The following FSTL5 variants were observed in gnomAD, a reference collection of about 807,000 sequenced individuals.
FSTL5 encodes the protein follistatin like 5.
In FSTL5, 62 loss-of-function variants were observed where a neutral mutation model predicts 89.1. The ratio of observed to expected loss-of-function variants is 0.70; its 90% confidence interval spans 0.57 to 0.86. The LOEUF (loss-of-function observed/expected upper bound fraction) is 0.86, where lower values mean the gene tolerates loss of function less well. FSTL5 is among the 40% of genes least tolerant of loss of function. FSTL5 has a pLI of 0.00. For synonymous variants in FSTL5, 383 were observed against 346.2 expected (o/e 1.11, Z -1.18); for missense variants, 1,057 against 1,001.6 (o/e 1.06, Z -0.75).
chr4:162,141,221 A>G (rs1030362460), intron 1 of FSTL5, among the ~76,000 whole-genome samples: 3 of 91,772 alleles, frequency 3.3e-5, no homozygotes, highest in Non-Finnish European at 6.7e-5. Flanking sequence ...GGTTCACGCC[A>G]TTCTCCTGCC....
chr4:161,786,064 A>G (rs937652155), intron 4 of FSTL5, among the ~76,000 whole-genome samples: 20 of 152,220 alleles, frequency 1.3e-4, no homozygotes, highest in Admixed American at 5.9e-4. Flanking sequence ...GAGATAATAC[A>G]TTTATGAATG....
chr4:161,914,722 A>G (rs981602474), intron 4 of FSTL5, among the ~76,000 whole-genome samples: 18 of 152,196 alleles, frequency 1.2e-4, no homozygotes, highest in Non-Finnish European at 2.9e-5. Flanking sequence ...TTGACCAGAT[A>G]CAATACTATA....
At chr4:161,549,323 T>G (rs1229416291) in intron 8 of FSTL5, among the ~76,000 whole-genome samples, 1 of 151,586 alleles carries the variant, frequency 6.6e-6, no homozygotes, top group Non-Finnish European at 1.5e-5. Flanking sequence ...AAATAAAGAG[T>G]TGTATATTGC....
At chr4:161,436,411 G>A (rs374344484) in intron 15 of FSTL5, among the ~76,000 whole-genome samples, 7 of 152,106 alleles carry the variant, frequency 4.6e-5, no homozygotes, top group East Asian at 3.9e-4. Context: ...ATTTATTGGT[G>A]AATTAATGTT....
intron 12 of FSTL5, among the ~76,000 whole-genome samples, chr4:161,487,911 T>C (rs1729735051): frequency 6.6e-6 from 1 of 152,136 alleles, no homozygotes; most frequent in African/African-American, 2.4e-5. Flanking sequence ...AATTAGAATA[T>C]TCAGGTTTAG....
chr4:161,486,588 A>G (rs1455482995), intron 12 of FSTL5, among the ~76,000 whole-genome samples: 1 of 152,188 alleles, frequency 6.6e-6, no homozygotes. Flanking sequence ...GGTTCCTAAG[A>G]CAGGCAGAGA....
At chr4:162,069,074 G>A (rs1383370468) in intron 2 of FSTL5, among the ~76,000 whole-genome samples, 1 of 152,016 alleles carries the variant, frequency 6.6e-6, no homozygotes, top group Non-Finnish European at 1.5e-5. Flanking sequence ...GGAAAAATAG[G>A]AGTGCTTTTA....
intron 6 of FSTL5, among the ~76,000 whole-genome samples, chr4:161,668,789 T>A (rs1560779998): frequency 1.3e-5 from 2 of 152,078 alleles, no homozygotes; most frequent in Admixed American, 6.6e-5. Context: ...ATATAAAAAA[T>A]TTTAAAACTT....
chr4:161,782,382 C>T (rs1202826954), intron 4 of FSTL5, among the ~76,000 whole-genome samples: 1 of 152,188 alleles, frequency 6.6e-6, no homozygotes, highest in Non-Finnish European at 1.5e-5. Flanking sequence ...ACTTGTATTG[C>T]TCCATATCCT....
At chr4:162,046,478 A>G (rs1004423684) in intron 2 of FSTL5, among the ~76,000 whole-genome samples, 2 of 152,160 alleles carry the variant, frequency 1.3e-5, no homozygotes, top group Non-Finnish European at 2.9e-5. Flanking sequence ...GAAACTGTGG[A>G]CAGTTAAGCA....
intron 5 of FSTL5, among the ~76,000 whole-genome samples, chr4:161,770,561 G>T (rs1182247003): frequency 6.6e-6 from 1 of 151,878 alleles, no homozygotes; most frequent in African/African-American, 2.4e-5. Context: ...AGGACTTACA[G>T]ATGTTTAAGT....
intron 3 of FSTL5, among the ~76,000 whole-genome samples, chr4:161,997,958 G>T (rs1259206594): frequency 1.3e-5 from 2 of 152,120 alleles, no homozygotes; most frequent in East Asian, 3.9e-4. Flanking sequence ...TGTGAGGATG[G>T]ATTATAATGT....
chr4:161,467,315 A>C (rs2126426131), intron 13 of FSTL5, among the ~76,000 whole-genome samples: 1 of 152,290 alleles, frequency 6.6e-6, no homozygotes, highest in South Asian at 2.1e-4. Flanking sequence ...ATAGGTAAAT[A>C]AAAGCACATC....
At chr4:161,857,774 T>C (rs891353665) in intron 4 of FSTL5, among the ~76,000 whole-genome samples, 1 of 152,166 alleles carries the variant, frequency 6.6e-6, no homozygotes, top group Admixed American at 6.5e-5. Context: ...TTTTATTGAG[T>C]AGCTAATTCT....
chr4:161,718,943 T>G (rs994835129), intron 6 of FSTL5, among the ~76,000 whole-genome samples: 18 of 152,206 alleles, frequency 1.2e-4, no homozygotes, highest in Non-Finnish European at 5.9e-5. Context: ...AAATTCACAG[T>G]TCTTGCTTTA....
In FSTL5 at chr4:161,708,515, T is replaced by C. The variant is rs1738665432; in HGVS notation, c.727+50896A>G. Among the ~76,000 whole-genome samples, 3 of 152,202 alleles carry C rather than the reference T, an allele frequency of 2.0e-5. No homozygotes were observed. In the South Asian group the frequency reaches 6.2e-4, roughly 31 times the overall value. Reference sequence around the variant, plus strand: ...GAGTCAGGGGAAAACAGTTCTATTTTTGGATGTTCCCCTTAAAGCATATTT... The same window carrying C: ...GAGTCAGGGGAAAACAGTTCTATTTCTGGATGTTCCCCTTAAAGCATATTT... On this transcript the variant is annotated intron_variant, in intron 6 of 15. Transcript: ENST00000306100.
At chr4:161,812,906 A>AAAAAAAAAAAAAAAAC (rs1730203598) in intron 4 of FSTL5, among the ~76,000 whole-genome samples, 1 of 128,636 alleles carries the variant, frequency 7.8e-6, no homozygotes, top group East Asian at 2.3e-4. Context: ...AAAAAAAAAA[A>AAAAAAAAAAAAAAAAC]AGATTACGTT....
chr4:161,430,059 G>A (rs1056031987), intron 15 of FSTL5, among the ~76,000 whole-genome samples: 3 of 152,118 alleles, frequency 2.0e-5, no homozygotes, highest in Non-Finnish European at 4.4e-5. Flanking sequence ...ATTAAAATAA[G>A]TCAAGAAGGA....
intron 15 of FSTL5, among the ~76,000 whole-genome samples, chr4:161,403,436 A>G (rs1358329594): frequency 6.6e-6 from 1 of 152,200 alleles, no homozygotes; most frequent in East Asian, 1.9e-4. Flanking sequence ...CTACTTTATC[A>G]CTATGGAAAT....
Sources: gnomAD v4.1 joint callset for allele counts (sites outside exome capture counted in the v4.1 genomes callset) on GRCh38, gnomAD v4.1.1 for gene constraint, MANE v1.5 for transcripts, NCBI Gene and HGNC (gene_info 2026-07-23, HGNC 2026-07-21) for gene names.